The following FAM83G variants were observed in gnomAD, a reference collection of about 807,000 sequenced individuals.
The protein encoded by FAM83G is protein FAM83G.
In FAM83G, 38 loss-of-function variants were observed where a neutral mutation model predicts 61.5. That is an observed-to-expected ratio of 0.62 (90% CI 0.48 to 0.81). FAM83G has a LOEUF of 0.81. FAM83G is among the 30% of genes least tolerant of loss of function. FAM83G has a pLI of 0.00. For synonymous variants in FAM83G, 470 were observed against 476.1 expected (o/e 0.99, Z 0.17); for missense variants, 989 against 1,133.6 (o/e 0.87, Z 1.83).
chr17:18,991,345 C>T (rs1198583218), intron 2 of FAM83G, among the ~76,000 whole-genome samples: 1 of 152,236 alleles, frequency 6.6e-6, no homozygotes, highest in Non-Finnish European at 1.5e-5. Flanking sequence ...CCTTGGCTTC[C>T]CCATCTGTCA....
chr17:19,002,209 C>T (rs2043748170), intron 2 of FAM83G, among the ~76,000 whole-genome samples: 1 of 152,248 alleles, frequency 6.6e-6, no homozygotes, highest in African/African-American at 2.4e-5. Context: ...TTTATCCACA[C>T]CACCTCCATC....
At chr17:18,976,644 C>T (rs2042987212) in intron 5 of FAM83G, 1 of 603,822 alleles carries the variant, frequency 1.7e-6, no homozygotes, top group Non-Finnish European at 2.9e-6. Flanking sequence ...AATGAGTGTA[C>T]CTCGGCTCTC....
intron 5 of FAM83G, chr17:18,976,514 G>T: frequency 3.4e-6 from 1 of 290,356 alleles, no homozygotes; most frequent in East Asian, 7.1e-5. Context: ...GAGGGTAGGG[G>T]TGTATGTCCC....
chr17:18,994,891 G>A (rs2043524645), intron 2 of FAM83G, among the ~76,000 whole-genome samples: 1 of 152,164 alleles, frequency 6.6e-6, no homozygotes, highest in Non-Finnish European at 1.5e-5. Flanking sequence ...GTTTATAAAA[G>A]CTGGCAAGAG....
Position 19,003,471 on chromosome 17 carries a change from T to C in FAM83G, c.522+49A>G, listed in dbSNP as rs199921012. The C allele has an allele frequency of 1.7e-4, 248 of 1,496,846 alleles. No individual in the cohort carries two copies. The highest frequency in any genetic ancestry group is 2.2e-4 in the Non-Finnish European group (242 of 1,122,794). The allele number at this position is 1,496,846 out of a possible 1,614,324, so 92.7% of individuals were successfully genotyped here. On this transcript the variant is annotated intron_variant, in intron 2 of 5. Coordinates refer to ENST00000388995, the MANE Select transcript of FAM83G (RefSeq NM_001039999.3). This position sits in a 1 kb window ranked among gnomAD's most constrained non-coding sequence, Gnocchi z 4.5. ...CTGAGTGAGCCTGTATTGAGAGGGG[T>C]CCGGTGGCTGGTTGGGCCATGGCTC...
intron 3 of FAM83G, among the ~76,000 whole-genome samples, chr17:18,987,475 G>A (rs549312879): frequency 2.0e-5 from 3 of 152,346 alleles, no homozygotes; most frequent in African/African-American, 7.2e-5. Flanking sequence ...GGTGCCAAGC[G>A]ATGGCTGGCA....
In FAM83G at chr17:18,976,805, C is replaced by T. The variant is rs1341236037; in HGVS notation, c.2082+779G>A. 6.9e-6 allele frequency: 11 copies of T among 1,603,152 alleles called. No homozygotes were observed. In the African/African-American group the frequency reaches 1.2e-4, roughly 18 times the overall value. On this transcript the variant is annotated intron_variant, in intron 5 of 5. Coordinates refer to ENST00000388995, the MANE Select transcript of FAM83G (RefSeq NM_001039999.3). Reference sequence around the variant, plus strand: ...GGCCCACCAAGGACCAATCCTGACACAAGTGTCCCTCAGGCTTGGACTCAC... The same window carrying T: ...GGCCCACCAAGGACCAATCCTGACATAAGTGTCCCTCAGGCTTGGACTCAC...
At chr17:18,979,866 G>A (rs2043084773) in intron 3 of FAM83G, among the ~76,000 whole-genome samples, 193 bp from the exon 4 acceptor site, 1 of 152,186 alleles carries the variant, frequency 6.6e-6, no homozygotes, top group African/African-American at 2.4e-5. Context: ...GGGAGCTGCT[G>A]AGCCGTGAAG....
rs779473423 is a variant in FAM83G, at chr17:18,978,577, G to C, written c.1089C>G (p.Ile363Met). 11 of 1,613,188 alleles carry C rather than the reference G, an allele frequency of 6.8e-6. No homozygotes were observed. Among genetic ancestry groups the C allele is most frequent in the African/African-American group, 6.7e-5 (5 of 74,902 alleles). ...TCTTGGCCTCCTGCTTCTCAGAGGA[G>C]ATCTTGGCAATCTCGTCGACGCTCT... ...KAKSVDEIAK[I>M]SSEKQEAKKP... is the part of the protein sequence containing the mutation. Residue 363 changes from isoleucine to methionine, a missense_variant, in exon 5 of 6, where the codon ATC becomes ATG. Transcript: ENST00000388995.
chr17:18,973,884 G>GTTTT (rs35778801), intron 5 of FAM83G, among the ~76,000 whole-genome samples: 1 of 95,740 alleles, frequency 1.0e-5, no homozygotes, highest in Non-Finnish European at 2.0e-5. Flanking sequence ...TTTTTTTTAA[G>GTTTT]TTTTTTTTTT....
chr17:19,000,513 C>A lies in FAM83G; in HGVS notation c.522+3007G>T, dbSNP rs2043704090. ...ATTTGGGAACAGGGGGGACTGACAGCAGTCCTGACAGGAACACAGCCGCTC... is the reference window on the plus strand; with the variant it reads ...ATTTGGGAACAGGGGGGACTGACAGAAGTCCTGACAGGAACACAGCCGCTC... On this transcript the variant is annotated intron_variant, in intron 2 of 5. Coordinates refer to ENST00000388995, the MANE Select transcript of FAM83G (RefSeq NM_001039999.3). The surrounding 1 kb of genome is among the most constrained non-coding windows in gnomAD (Gnocchi z 5.2). Among the ~76,000 whole-genome samples the A allele has an allele frequency of 6.6e-6, 1 of 152,176 alleles. No individual in the cohort carries two copies. The highest frequency in any genetic ancestry group is 1.5e-5 in the Non-Finnish European group (1 of 68,024).
In FAM83G at chr17:19,003,472, C is replaced by T; in HGVS notation, c.522+48G>A. 6.7e-7 allele frequency: 1 copy of T among 1,499,668 alleles called. No homozygotes were observed. The highest frequency in any genetic ancestry group is 8.9e-7 in the Non-Finnish European group (1 of 1,124,400). The allele number at this position is 1,499,668 out of a possible 1,614,324, so 92.9% of individuals were successfully genotyped here. ...TGAGTGAGCCTGTATTGAGAGGGGT[C>T]CGGTGGCTGGTTGGGCCATGGCTCC... On this transcript the variant is annotated intron_variant, in intron 2 of 5. Transcript: ENST00000388995. The surrounding 1 kb of genome is among the most constrained non-coding windows in gnomAD (Gnocchi z 4.5).
rs756526585 is a variant in FAM83G, at chr17:18,978,449, T to C, written c.1217A>G (p.Asn406Ser). 35 of 1,605,288 alleles carry C rather than the reference T, an allele frequency of 2.2e-5. No individual in the cohort carries two copies. Among genetic ancestry groups the C allele is most frequent in the Non-Finnish European group, 2.8e-5 (33 of 1,175,966 alleles). ...HPGLLHLERA[N>S]MFEYLPTWVE... ...CCACGTGGGCAGGTACTCAAACATG[T>C]TGGCCCTCTCCAGGTGAAGCAGTCC... The change falls in exon 5 of 6, where the codon AAC (asparagine) becomes AGC (serine). Residue 406 changes from asparagine (N) to serine (S), a missense_variant. Physicochemically the swap from Asn to Ser is conservative, Grantham distance 46 (BLOSUM62 1). Transcript: ENST00000388995.
At position 18,970,851 on chromosome 17, in the gene FAM83G, C is replaced by G; in HGVS notation, c.*508G>C. ...AAATACACCTTAAAAAAAAAAACAA[C>G]CCTCTACCCTCACACCTTTCCAAAC... On this transcript the variant is annotated 3_prime_UTR_variant, in exon 6 of 6. Coordinates refer to ENST00000388995, the MANE Select transcript of FAM83G (RefSeq NM_001039999.3). 3.3e-6 allele frequency: 2 copies of G among 614,464 alleles called. No homozygotes were observed. Among genetic ancestry groups the G allele is most frequent in the Non-Finnish European group, 5.7e-6 (2 of 349,980 alleles). The allele number at this position is 614,464 out of a possible 1,614,324, so 38.1% of individuals were successfully genotyped here.
At position 19,004,137 on chromosome 17, in the gene FAM83G, T is replaced by A; in HGVS notation, c.-96A>T. 5.1e-6 allele frequency: 6 copies of A among 1,186,800 alleles called. No individual in the cohort carries two copies. Among genetic ancestry groups the A allele is most frequent in the Non-Finnish European group, 7.0e-6 (6 of 857,672 alleles). The allele number at this position is 1,186,800 out of a possible 1,614,324, so 73.5% of individuals were successfully genotyped here. On this transcript the variant is annotated 5_prime_UTR_variant, in exon 2 of 6. Coordinates refer to ENST00000388995, the MANE Select transcript of FAM83G (RefSeq NM_001039999.3). The surrounding 1 kb of genome is among the most constrained non-coding windows in gnomAD (Gnocchi z 5.4). ...GGGGCACCGCGCGCTCGGGGGCCTC[T>A]CCGCGGCCTCTGCTTCTCTGCCCAT...
intron 3 of FAM83G, among the ~76,000 whole-genome samples, chr17:18,980,394 T>A (rs2043101036): frequency 6.6e-6 from 1 of 152,018 alleles, no homozygotes; most frequent in African/African-American, 2.4e-5. Flanking sequence ...TCAGAGACTG[T>A]GGCCAAGGGA....
intron 2 of FAM83G, among the ~76,000 whole-genome samples, chr17:18,991,918 T>C (rs2152132954): frequency 6.6e-6 from 1 of 152,062 alleles, no homozygotes; most frequent in South Asian, 2.1e-4. Context: ...CCTGCCAGGG[T>C]GTGGGAGGAT....
Position 18,978,000 on chromosome 17 carries a change from G to A in FAM83G, c.1666C>T (p.Arg556Trp), listed in dbSNP as rs773750800. ...MAGPGHAPLQ[R>W]QLSVTQDDPE... is the part of the protein sequence containing the mutation. ...TCATCCTGGGTCACAGATAGCTGCC[G>A]CTGGAGTGGGGCGTGGCCTGGGCCT... is the stretch of plus-strand genomic sequence containing the variant. The change falls in exon 5 of 6, where the codon CGG (arginine) becomes TGG (tryptophan). Residue 556 changes from arginine to tryptophan, a missense_variant. Physicochemically the swap from Arg to Trp is moderately radical, Grantham distance 101. Around this residue, in one of 3 missense-constraint regions of FAM83G, gnomAD observed 574 missense variants for 645.1 expected, o/e 0.89. Coordinates refer to ENST00000388995, the MANE Select transcript of FAM83G (RefSeq NM_001039999.3). The A allele has an allele frequency of 1.4e-5, 22 of 1,565,154 alleles. No homozygotes were observed. Among genetic ancestry groups the A allele is most frequent in the East Asian group, 4.5e-5 (2 of 44,414 alleles).
chr17:18,991,140 T>A (rs1173081104), intron 2 of FAM83G, among the ~76,000 whole-genome samples: 1 of 152,222 alleles, frequency 6.6e-6, no homozygotes. Context: ...CCACCTTGCC[T>A]AATTCTGTTG....
Sources: gnomAD v4.1 joint callset for allele counts (sites outside exome capture counted in the v4.1 genomes callset) on GRCh38, gnomAD v4.1.1 for gene constraint, gnomAD v4.1.1 regional missense constraint, Gnocchi (gnomAD v3.1) non-coding constraint, MANE v1.5 for transcripts, NCBI Gene and HGNC (gene_info 2026-07-23, HGNC 2026-07-21) for gene names.